NEMP2: variants seen among roughly 807,000 people sequenced by gnomAD.
NEMP2 encodes the protein nuclear envelope integral membrane protein 2.
A neutral mutation model predicts 54.2 loss-of-function variants in NEMP2; 53 were observed. The observed-to-expected ratio is 0.98, with a 90% CI of 0.78 to 1.23. The LOEUF (loss-of-function observed/expected upper bound fraction) is 1.23, where lower values mean the gene tolerates loss of function less well. NEMP2 is among the 50% of genes most tolerant of loss of function. NEMP2 has a pLI of 0.00. For missense variants in NEMP2, 455 were observed against 511.3 expected (o/e 0.89, Z 1.06); for synonymous variants, 197 against 190.3 (o/e 1.04, Z -0.29).
At chr2:190,589,059 T>C in the NEMP2 span, among the ~76,000 whole-genome samples, 2 of 152,156 alleles carry the variant, frequency 1.3e-5, no homozygotes, top group Non-Finnish European at 2.9e-5. This position sits in a 1 kb window ranked among gnomAD's most constrained non-coding sequence, Gnocchi z 4.3. Flanking sequence ...CCCAAATGAA[T>C]AAGCTGCATT....
the NEMP2 span, among the ~76,000 whole-genome samples, chr2:190,591,994 T>A: frequency 2.0e-5 from 3 of 152,158 alleles, no homozygotes; most frequent in Non-Finnish European, 4.4e-5. This position sits in a 1 kb window ranked among gnomAD's most constrained non-coding sequence, Gnocchi z 5.4. Flanking sequence ...GAGGAAATGA[T>A]TAATTCTTCT....
At chr2:190,493,381 A>G in the NEMP2 span, among the ~76,000 whole-genome samples, 4 of 152,166 alleles carry the variant, frequency 2.6e-5, no homozygotes, top group Admixed American at 2.6e-4. Context: ...CAAATTTATA[A>G]AACAATCACT....
chr2:190,446,043 T>C, the NEMP2 span, among the ~76,000 whole-genome samples: 1 of 152,188 alleles, frequency 6.6e-6, no homozygotes, highest in African/African-American at 2.4e-5. Flanking sequence ...TGAATTTTAA[T>C]ATTTAAAAAA....
the NEMP2 span, among the ~76,000 whole-genome samples, chr2:190,434,525 T>C: frequency 6.6e-6 from 1 of 152,242 alleles, no homozygotes; most frequent in South Asian, 2.1e-4. This position sits in a 1 kb window ranked among gnomAD's most constrained non-coding sequence, Gnocchi z 4.3. Context: ...AACCTCCGCC[T>C]CCTGGGTTCG....
At chr2:190,570,796 GAAGAGGGAA>G in the NEMP2 span, among the ~76,000 whole-genome samples, 1 of 152,208 alleles carries the variant, frequency 6.6e-6, no homozygotes. The surrounding 1 kb of genome is among the most constrained non-coding windows in gnomAD (Gnocchi z 5.4). Flanking sequence ...GTTTGAGAGA[GAAGAGGGAA>G]AAGGGATATT....
chr2:190,629,014 TAGAC>T, the NEMP2 span, among the ~76,000 whole-genome samples: 5 of 152,312 alleles, frequency 3.3e-5, no homozygotes, highest in African/African-American at 1.2e-4. Context: ...AACCCAGAAT[TAGAC>T]AGATGACATA....
Position 190,521,218 on chromosome 2 carries a change from A to C in NEMP2, c.214-2035T>G, listed in dbSNP as rs1690740785. On this transcript the variant is annotated intron_variant, in intron 2 of 8. Transcript: ENST00000409150. This position sits in a 1 kb window ranked among gnomAD's most constrained non-coding sequence, Gnocchi z 6.2. ...CCTCAATACTCAACACCTTCTCCCC[A>C]TCCTCTTCTCCACTGTTGATCCTTC... 1.3e-5 allele frequency among the ~76,000 whole-genome samples: 2 copies of C among 152,096 alleles called. No individual in the cohort carries two copies. The highest frequency in any genetic ancestry group is 2.9e-5 in the Non-Finnish European group (2 of 68,020).
At chr2:190,468,339 T>C in the NEMP2 span, among the ~76,000 whole-genome samples, 1 of 152,210 alleles carries the variant, frequency 6.6e-6, no homozygotes, top group Non-Finnish European at 1.5e-5. Context: ...TTCTTTTTTG[T>C]CTTTTCTTCA....
At chr2:190,590,607 C>T in the NEMP2 span, among the ~76,000 whole-genome samples, 1 of 152,166 alleles carries the variant, frequency 6.6e-6, no homozygotes, top group African/African-American at 2.4e-5. The surrounding 1 kb of genome is among the most constrained non-coding windows in gnomAD (Gnocchi z 5.1). Flanking sequence ...GGGAAGGGAT[C>T]ATTTACTCTC....
the NEMP2 span, among the ~76,000 whole-genome samples, chr2:190,452,078 GT>G: frequency 1.9e-4 from 27 of 143,066 alleles, no homozygotes; most frequent in Admixed American, 5.6e-4. Context: ...AAAGTTTTTT[GT>G]TTTTTTTTTC....
downstream of NEMP2, chr2:190,499,797 T>C (rs1689928466): frequency 1.3e-6 from 2 of 1,516,748 alleles, no homozygotes; most frequent in Non-Finnish European, 1.8e-6. This position sits in a 1 kb window ranked among gnomAD's most constrained non-coding sequence, Gnocchi z 6.0. Flanking sequence ...ACACGTCTGC[T>C]TATAGTGTTT....
chr2:190,472,147 G>A, the NEMP2 span, among the ~76,000 whole-genome samples: 1 of 152,138 alleles, frequency 6.6e-6, no homozygotes, highest in Non-Finnish European at 1.5e-5. Flanking sequence ...GGAAAAAACA[G>A]AGCAGAAAAA....
At chr2:190,559,458 A>G in the NEMP2 span, among the ~76,000 whole-genome samples, 1 of 152,156 alleles carries the variant, frequency 6.6e-6, no homozygotes, top group African/African-American at 2.4e-5. This position sits in a 1 kb window ranked among gnomAD's most constrained non-coding sequence, Gnocchi z 4.0. Context: ...GTGAGTGTAG[A>G]GAGTCAAATG....
In NEMP2 at chr2:190,520,297, C is replaced by A. The variant is rs545295264; in HGVS notation, c.214-1114G>T. ...ATTCAGGCTTCTCTCACCATGCCTG[C>A]TAAAGGACCAGATCCCAACCTCAGG... On this transcript the variant is annotated intron_variant, in intron 2 of 8. Transcript: ENST00000409150. This position sits in a 1 kb window ranked among gnomAD's most constrained non-coding sequence, Gnocchi z 5.4. 6.6e-6 allele frequency among the ~76,000 whole-genome samples: 1 copy of A among 152,326 alleles called. No individual in the cohort carries two copies. The highest frequency in any genetic ancestry group is 2.1e-4 in the South Asian group (1 of 4,824).
chr2:190,452,138 A>C, the NEMP2 span, among the ~76,000 whole-genome samples: 1 of 152,112 alleles, frequency 6.6e-6, no homozygotes, highest in Non-Finnish European at 1.5e-5. Context: ...ATGAAAAGTA[A>C]AAAACAAAAA....
rs1357718344 is a variant in NEMP2, at chr2:190,516,506, A to C, written c.613-122T>G. 5 of 702,138 alleles carry C rather than the reference A, an allele frequency of 7.1e-6. No individual in the cohort carries two copies. In the South Asian group the frequency reaches 1.0e-4, roughly 14 times the overall value. The allele number at this position is 702,138 out of a possible 1,614,324, so 43.5% of individuals were successfully genotyped here. ...CATCAAACTGATTTGAAGTCAATTT[A>C]AGAAACTCCCTAGGGTCTTAAGGTG... On this transcript the variant is annotated intron_variant, in intron 5 of 8. Coordinates refer to ENST00000409150, the MANE Select transcript of NEMP2 (RefSeq NM_001142645.2).
At chr2:190,577,833 A>G in the NEMP2 span, among the ~76,000 whole-genome samples, 1 of 152,210 alleles carries the variant, frequency 6.6e-6, no homozygotes, top group Non-Finnish European at 1.5e-5. This position sits in a 1 kb window ranked among gnomAD's most constrained non-coding sequence, Gnocchi z 4.8. Context: ...AGATTGCACC[A>G]CTGCACTCCA....
At chr2:190,640,968 A>G in the NEMP2 span, 37,133 of 152,010 alleles carry the variant, frequency 0.24, 5,155 homozygotes, top group South Asian at 0.35. Context: ...AATCCAAGCG[A>G]AGAGAGAAGA....
intron 4 of NEMP2, 119 bp from the exon 5 acceptor site, chr2:190,517,732 C>T: frequency 1.4e-6 from 1 of 727,994 alleles, no homozygotes; most frequent in Non-Finnish European, 2.3e-6. Flanking sequence ...ACTCAGATGG[C>T]AGCTCTCATT....
Sources: allele counts gnomAD v4.1 joint callset (sites outside exome capture counted in the v4.1 genomes callset), GRCh38; gene constraint gnomAD v4.1.1; non-coding constraint Gnocchi (gnomAD v3.1); transcripts MANE v1.5; gene names NCBI Gene and HGNC (gene_info 2026-07-23, HGNC 2026-07-21).